RTN4: variants seen among roughly 807,000 people sequenced by gnomAD.
RTN4 encodes reticulon-4.
In RTN4, 32 loss-of-function variants were observed where a neutral mutation model predicts 90.4. The ratio of observed to expected loss-of-function variants is 0.35; its 90% CI spans 0.27 to 0.48. The LOEUF is 0.48. RTN4 is among the 20% of genes least tolerant of loss of function. RTN4 has a pLI of 0.99. For missense variants in RTN4, 1,706 were observed against 1,430.2 expected (o/e 1.19, Z -3.11); for synonymous variants, 629 against 552.5 (o/e 1.14, Z -1.94).
In RTN4 at chr2:55,089,983, C is replaced by T. The variant is rs532381326; in HGVS notation, c.-213-9344G>A. Among the ~76,000 whole-genome samples the T allele has an allele frequency of 2.6e-3, 391 of 152,252 alleles. 2 individuals carry two copies. The highest frequency in any genetic ancestry group is 0.01 in the Middle Eastern group (3 of 294). On this transcript the variant is annotated intron_variant, in intron 1 of 3. Transcript: ENST00000427710. Reference sequence around the variant, plus strand: ...AGCTGTCTGAATGTTAGAATAGGCACGAGGAATTGTTAAAGTTGAGAAAGG... The same window carrying T: ...AGCTGTCTGAATGTTAGAATAGGCATGAGGAATTGTTAAAGTTGAGAAAGG...
intron 1 of RTN4, chr2:55,049,034 A>C (rs1171456644): frequency 1.2e-6 from 1 of 869,520 alleles, no homozygotes; most frequent in African/African-American, 1.8e-5. Flanking sequence ...GGTGGGGAGC[A>C]GTCCACATCA....
chr2:55,085,439 G>A (rs1321220568), intron 1 of RTN4, among the ~76,000 whole-genome samples: 2 of 152,192 alleles, frequency 1.3e-5, no homozygotes, highest in African/African-American at 4.8e-5. Flanking sequence ...AGTGGGTGTT[G>A]CAGTCTTCAG....
chr2:55,007,621 A>G (rs968845246), intron 3 of RTN4, among the ~76,000 whole-genome samples: 1 of 152,112 alleles, frequency 6.6e-6, no homozygotes, highest in African/African-American at 2.4e-5. Context: ...TGTTTCCCGA[A>G]TTTGCCCAAC....
intron 3 of RTN4, among the ~76,000 whole-genome samples, chr2:55,000,920 A>T (rs1209349435): frequency 1.3e-5 from 2 of 152,140 alleles, no homozygotes; most frequent in African/African-American, 4.8e-5. Flanking sequence ...GGAATAAACC[A>T]TGTTTTGTTT....
At chr2:55,094,464 G>A (rs370695768) in intron 1 of RTN4, among the ~76,000 whole-genome samples, 7 of 152,292 alleles carry the variant, frequency 4.6e-5, no homozygotes, top group South Asian at 2.1e-4. Flanking sequence ...GTACTGTTGC[G>A]CAGTGAAGTA....
At position 55,044,142 on chromosome 2, in the gene RTN4, C is replaced by T. The variant is rs561153511; in HGVS notation, c.556+5603G>A. On this transcript the variant is annotated intron_variant, in intron 1 of 8. Transcript: ENST00000337526. ...GCCCAGAAGATGAGGCTGCAGTGAG[C>T]CAAGACTGCACCACTATACTTTAGC... Among the ~76,000 whole-genome samples, 3 of 152,142 alleles carry T rather than the reference C, an allele frequency of 2.0e-5. No individual in the cohort carries two copies. In the East Asian group the frequency reaches 5.8e-4, roughly 29 times the overall value.
At chr2:55,087,334 A>C (rs1668859542) in intron 1 of RTN4, among the ~76,000 whole-genome samples, 1 of 152,222 alleles carries the variant, frequency 6.6e-6, no homozygotes, top group South Asian at 2.1e-4. Context: ...AACCACTAGC[A>C]GTTGATGAGA....
chr2:55,093,825 A>T (rs1456967196), intron 1 of RTN4, among the ~76,000 whole-genome samples: 1 of 152,224 alleles, frequency 6.6e-6, no homozygotes, highest in South Asian at 2.1e-4. Context: ...AATGCATTTC[A>T]TTTAGCTATG....
intron 5 of RTN4, among the ~76,000 whole-genome samples, chr2:54,979,942 C>T (rs1264937757): frequency 2.0e-5 from 3 of 152,174 alleles, no homozygotes; most frequent in African/African-American, 7.2e-5. Context: ...TTCTTCTCTT[C>T]TCTTTTTAAA....
chr2:55,104,032 A>T (rs1667899794), intron 1 of RTN4, among the ~76,000 whole-genome samples: 1 of 150,986 alleles, frequency 6.6e-6, no homozygotes, highest in South Asian at 2.1e-4. Context: ...TACCTCAATA[A>T]AGTGTTTTTT....
chr2:54,982,325 G>GA (rs1299639444), intron 5 of RTN4, among the ~76,000 whole-genome samples, 190 bp downstream of exon 5: 7 of 149,154 alleles, frequency 4.7e-5, no homozygotes, highest in Admixed American at 2.7e-4. Flanking sequence ...AGTATGACCA[G>GA]AAAAAAAAAG....
chr2:55,094,721 G>C (rs1446348803), intron 1 of RTN4, among the ~76,000 whole-genome samples: 2 of 152,144 alleles, frequency 1.3e-5, no homozygotes, highest in African/African-American at 4.8e-5. Flanking sequence ...GAGCTGACTA[G>C]GAGACAATCT....
intron 1 of RTN4, among the ~76,000 whole-genome samples, chr2:55,040,511 C>G (rs1410268148): frequency 2.6e-5 from 4 of 152,118 alleles, no homozygotes; most frequent in Non-Finnish European, 5.9e-5. Flanking sequence ...ATAATGGCAC[C>G]TTCCATTTAG....
chr2:55,003,779 A>G (rs1289354480), intron 3 of RTN4, among the ~76,000 whole-genome samples: 2 of 152,238 alleles, frequency 1.3e-5, no homozygotes, highest in Non-Finnish European at 2.9e-5. Context: ...CCTGAACAAT[A>G]TAACAACTAC....
upstream of RTN4, among the ~76,000 whole-genome samples, chr2:55,051,745 G>C (rs933375457): frequency 2.2e-4 from 33 of 152,176 alleles, no homozygotes; most frequent in African/African-American, 7.0e-4. Context: ...ATGCGCACTG[G>C]ATTTCAAGAA....
chr2:55,102,562 G>A (rs764128363), intron 1 of RTN4, among the ~76,000 whole-genome samples: 19 of 151,564 alleles, frequency 1.3e-4, no homozygotes, highest in Admixed American at 9.2e-4. Flanking sequence ...TGTGAAATTC[G>A]TCCTTAGTTG....
intron 7 of RTN4, 64 bp downstream of exon 7, chr2:54,973,757 C>T (rs2104594365): frequency 6.5e-7 from 1 of 1,534,956 alleles, no homozygotes; most frequent in South Asian, 1.1e-5. Context: ...ACTAATACAT[C>T]CGTAAATCCC....
In RTN4 at chr2:55,094,251, T is replaced by A. The variant is rs1573513352; in HGVS notation, c.-213-13612A>T. Among the ~76,000 whole-genome samples the A allele has an allele frequency of 2.0e-5, 3 of 152,342 alleles. No individual in the cohort carries two copies. The South Asian group carries it at 6.2e-4, about 32-fold the overall frequency. ...AGGACACAGTGAGAAGGCAGCTGTCTGCAAGCCAGGAAGAAAGCCCTCACC... is the reference window on the plus strand; with the variant it reads ...AGGACACAGTGAGAAGGCAGCTGTCAGCAAGCCAGGAAGAAAGCCCTCACC... On this transcript the variant is annotated intron_variant, in intron 1 of 3. Coordinates refer to the RTN4 transcript ENST00000427710.
chr2:55,125,501 C>T, the RTN4 span, among the ~76,000 whole-genome samples: 1 of 152,324 alleles, frequency 6.6e-6, no homozygotes, highest in East Asian at 1.9e-4. Flanking sequence ...TGCGGTGGCT[C>T]ACGCCCATAA....
Sources: allele counts gnomAD v4.1 joint callset (sites outside exome capture counted in the v4.1 genomes callset), GRCh38; gene constraint gnomAD v4.1.1; transcripts MANE v1.5; gene names NCBI Gene and HGNC (gene_info 2026-07-23, HGNC 2026-07-21).